The following PLCD1 variants were observed in gnomAD, a reference collection of about 807,000 sequenced individuals.
PLCD1 encodes the protein phospholipase C delta 1.
In PLCD1, 71 loss-of-function variants were observed where a neutral mutation model predicts 87.4. That is an observed-to-expected ratio of 0.81 (90% confidence interval 0.67 to 0.99). PLCD1 has a LOEUF of 0.99. Ranked by LOEUF, PLCD1 falls within the 50% of genes least tolerant of loss-of-function variation. PLCD1 has a pLI of 0.00. For missense variants in PLCD1, 867 were observed against 1,001.5 expected (o/e 0.87, Z 1.81); for synonymous variants, 348 against 399.2 (o/e 0.87, Z 1.53).
intron 1 of PLCD1, among the ~76,000 whole-genome samples, chr3:38,021,894 C>T (rs755509884): frequency 2.6e-5 from 4 of 152,176 alleles, no homozygotes; most frequent in Non-Finnish European, 5.9e-5. Context: ...CCTCCCCCAG[C>T]CAGCCTGTCC....
At chr3:38,026,475 C>T (rs1332302382) in intron 1 of PLCD1, among the ~76,000 whole-genome samples, 3 of 152,170 alleles carry the variant, frequency 2.0e-5, no homozygotes, top group Admixed American at 1.3e-4. Context: ...GCCGAGATGG[C>T]GCAAACTGCA....
chr3:38,007,644 G>A lies in PLCD1; in HGVS notation c.*129C>T. ...CCAGGGAGGCAGCAGCAGACACTAT[G>A]TTAGGGCTGAAGGCAATTTGGGGGC... On this transcript the variant is annotated 3_prime_UTR_variant, in exon 15 of 15. Transcript: ENST00000334661. 1 of 750,206 alleles carries A rather than the reference G, an allele frequency of 1.3e-6. No homozygotes were observed. Among genetic ancestry groups the A allele is most frequent in the South Asian group, 1.5e-5 (1 of 68,072 alleles). 46.5% of individuals were successfully genotyped at this position (750,206 alleles called of 1,614,324 possible).
intron 3 of PLCD1, among the ~76,000 whole-genome samples, chr3:38,015,300 T>C (rs911990088): frequency 5.3e-5 from 8 of 152,210 alleles, no homozygotes; most frequent in Admixed American, 2.6e-4. Flanking sequence ...TGGATGAATA[T>C]TGCAAACATC....
chr3:38,015,951 G>C (rs1054235267), intron 3 of PLCD1, among the ~76,000 whole-genome samples: 20 of 152,178 alleles, frequency 1.3e-4, no homozygotes, highest in African/African-American at 4.8e-4. Context: ...CGGGGACACA[G>C]GGAGTATCAG....
chr3:38,011,220 C>T lies in PLCD1; in HGVS notation c.784G>A (p.Glu262Lys), dbSNP rs780372563. ...LSLIERYEPS[E>K]TAKAQRQMTK... ...GCCCTGGTCAGGCTCTCACCAGTCT[C>T]GCTGGGCTCGTAGCGCTCAATGAGG... The change falls in exon 5 of 15, where the codon GAG (glutamate) becomes AAG (lysine). Residue 262 changes from glutamate to lysine, a missense_variant. Transcript: ENST00000334661. 2.6e-5 allele frequency: 41 copies of T among 1,607,802 alleles called. No homozygotes were observed. The highest frequency in any genetic ancestry group is 1.2e-4 in the South Asian group (11 of 90,958).
Position 38,029,499 on chromosome 3 carries a change from C to G in PLCD1, c.34+7G>C, listed in dbSNP as rs994818002. The G allele has an allele frequency of 1.5e-5, 23 of 1,539,340 alleles. No homozygotes were observed. In the South Asian group the frequency reaches 2.5e-4, roughly 17 times the overall value. On this transcript the variant is annotated splice_region_variant and intron_variant, in intron 1 of 14. Transcript: ENST00000334661. ...GGGTCTCCCGCTCGCGCGGGCCAGG[C>G]ACTCACCGTGCAGGGTCAGGAAGTC...
Position 38,018,811 on chromosome 3 carries a change from G to C in PLCD1, c.199+1377C>G, listed in dbSNP as rs1220183848. Among the ~76,000 whole-genome samples, 1 of 152,124 alleles carries C rather than the reference G, an allele frequency of 6.6e-6. No individual in the cohort carries two copies. Among genetic ancestry groups the C allele is most frequent in the Non-Finnish European group, 1.5e-5 (1 of 68,030 alleles). ...AAGGTCAGGCGGTCACTCCTGTACAGTGTGGCAGCAGGCTGAGCTGGGGCT... is the reference window on the plus strand; with the variant it reads ...AAGGTCAGGCGGTCACTCCTGTACACTGTGGCAGCAGGCTGAGCTGGGGCT... On this transcript the variant is annotated intron_variant, in intron 2 of 14. Coordinates refer to ENST00000334661, the MANE Select transcript of PLCD1 (RefSeq NM_006225.4). The surrounding 1 kb of genome is among the most constrained non-coding windows in gnomAD (Gnocchi z 5.7).
At position 38,008,120 on chromosome 3, in the gene PLCD1, A is replaced by G; in HGVS notation, c.2079T>C (p.Val693=). ...AGCGGATGAGGGCAAGGTCAGGCAC[A>G]ACTACCTCAAACGCAAACTCCGTGT... ...WWDTEFAFEV[V]VPDLALIRFL... is the part of the protein sequence containing the mutation. The change falls in exon 14 of 15, where the codon GTT becomes GTC. Residue 693 remains valine (V), a synonymous_variant. Transcript: ENST00000334661. 1.2e-6 allele frequency: 2 copies of G among 1,614,086 alleles called. No individual in the cohort carries two copies. Among genetic ancestry groups the G allele is most frequent in the East Asian group, 4.5e-5 (2 of 44,876 alleles).
intron 1 of PLCD1, 72 bp downstream of exon 1, chr3:38,029,434 T>C: frequency 3.6e-6 from 5 of 1,385,286 alleles, no homozygotes; most frequent in Non-Finnish European, 4.0e-6. Context: ...GGGCTCCCTG[T>C]CCAGGGCCCG....
intron 1 of PLCD1, among the ~76,000 whole-genome samples, chr3:38,026,838 G>A (rs17787356): frequency 0.024 from 3,685 of 152,362 alleles, 71 homozygotes; most frequent in South Asian, 0.067. Context: ...GCTATCCCAT[G>A]GATGATTCTC....
At position 38,008,299 on chromosome 3, in the gene PLCD1, T is replaced by TGTCA. The variant is rs1699999672; in HGVS notation, c.1967_1970dup (p.Val658AspfsTer35). On this transcript the variant is annotated frameshift_variant, in exon 13 of 15. Transcript: ENST00000334661. LOFTEE classifies it high-confidence loss of function. ...CCCGGCTCACGCCATGGATCTCCACTGTCACTTTGGGGTCCACAATTGAAT... is the reference window on the plus strand; with the variant it reads ...CCCGGCTCACGCCATGGATCTCCACTGTCAGTCACTTTGGGGTCCACAATTGAAT... 6.2e-7 allele frequency: 1 copy of TGTCA among 1,614,106 alleles called. No homozygotes were observed.
At position 38,008,574 on chromosome 3, in the gene PLCD1, T is replaced by C; in HGVS notation, c.1786A>G (p.Asn596Asp). Residue 596 changes from asparagine to aspartate, a missense_variant, in exon 12 of 15, where the codon AAC becomes GAC. Asn to Asp is a conservative substitution (Grantham distance 23, BLOSUM62 1). Coordinates refer to ENST00000334661, the MANE Select transcript of PLCD1 (RefSeq NM_006225.4). ...MDVYQGRFQD[N>D]GACGYVLKPA... ...TTCAGCACGTACCCACAGGCCCCGT[T>C]GTCCTGGAAGCGGCCCTGGTACACG... The C allele has an allele frequency of 6.2e-7, 1 of 1,614,218 alleles. No homozygotes were observed. Among genetic ancestry groups the C allele is most frequent in the Non-Finnish European group, 8.5e-7 (1 of 1,180,016 alleles).
rs759712830 is a variant in PLCD1 at position 38,010,534 on chromosome 3, G to A, written c.819C>T (p.Asp273=). 48 of 1,613,856 alleles carry A rather than the reference G, an allele frequency of 3.0e-5. No homozygotes were observed. The highest frequency in any genetic ancestry group is 1.6e-4 in the East Asian group (7 of 44,880). ...CCGACAGTAAGTACATGAGGAAGCC[G>A]TCCTTGGTCATCTGCCGCTGCGCCT... is the stretch of plus-strand genomic sequence containing the variant. The part of the protein sequence containing the change: ...TAKAQRQMTK[D]GFLMYLLSAD... Residue 273 remains aspartate, a synonymous_variant, in exon 6 of 15, where the codon GAC becomes GAT. Transcript: ENST00000334661.
At position 38,020,341 on chromosome 3, in the gene PLCD1, C is replaced by T. The variant is rs1440787072; in HGVS notation, c.46G>A (p.Asp16Asn). Residue 16 changes from aspartate (D) to asparagine (N), a missense_variant, in exon 2 of 15, where the codon GAT becomes AAT. By Grantham distance (23) the Asp-to-Asn change is conservative. Coordinates refer to ENST00000334661, the MANE Select transcript of PLCD1 (RefSeq NM_006225.4). ...TTCAGCAGCGCCTGTAGATCCTCAT[C>T]ATCCTGTAGGCCTGGGGATCAAAGC... ...DFLTLHGLQD[D>N]EDLQALLKGS... is the part of the protein sequence containing the mutation. 12 of 1,613,926 alleles carry T rather than the reference C, an allele frequency of 7.4e-6. No individual in the cohort carries two copies. The highest frequency in any genetic ancestry group is 1.1e-5 in the South Asian group (1 of 91,096).
chr3:38,028,735 A>G (rs1158525392), intron 1 of PLCD1, among the ~76,000 whole-genome samples: 2 of 152,244 alleles, frequency 1.3e-5, no homozygotes, highest in African/African-American at 4.8e-5. Context: ...TACCCTCCCC[A>G]ACCTCCCGCC....
At chr3:38,026,867 A>G (rs2125552729) in intron 1 of PLCD1, among the ~76,000 whole-genome samples, 1 of 152,376 alleles carries the variant, frequency 6.6e-6, no homozygotes, top group South Asian at 2.1e-4. Context: ...AGTAAGTAGA[A>G]CCAAAGCTAG....
chr3:38,009,219 C>T, intron 10 of PLCD1, 53 bp downstream of exon 10: 1 of 1,613,238 alleles, frequency 6.2e-7, no homozygotes, highest in Non-Finnish European at 8.5e-7. Context: ...AAGCCCTGCC[C>T]TGCCAATTCT....
In PLCD1 at chr3:38,007,659, A is replaced by AAT; in HGVS notation, c.*112_*113dup. The AAT allele has an allele frequency of 1.2e-6, 1 of 817,618 alleles. No homozygotes were observed. The highest frequency in any genetic ancestry group is 2.6e-5 in the East Asian group (1 of 38,308). The allele number at this position is 817,618 out of a possible 1,614,324, so 50.6% of individuals were successfully genotyped here. ...CAGACACTATGTTAGGGCTGAAGGC[A>AAT]ATTTGGGGGCCTAGCTCTGAGCAAG... On this transcript the variant is annotated 3_prime_UTR_variant, in exon 15 of 15. Transcript: ENST00000334661.
rs115366708 is a variant in PLCD1 at position 38,009,046 on chromosome 3, C to A, written c.1719G>T (p.Gln573His). The change falls in exon 11 of 15, where the codon CAG (glutamine) becomes CAT (histidine). Residue 573 changes from glutamine to histidine, a missense_variant. Physicochemically the swap from Gln to His is conservative, Grantham distance 24 (BLOSUM62 0). Transcript: ENST00000334661. ...CCAGCCCCAGCCAGCCCATACCGAT[C>A]TGGCAGCCCCCATTCCACATCTCCA... is the stretch of plus-strand genomic sequence containing the variant. ...SPVEMWNGGC[Q>H]IVALNFQTPG... 7.3e-5 allele frequency: 118 copies of A among 1,611,366 alleles called. 1 individual carries two copies. The African/African-American group carries it at 1.4e-3, about 19-fold the overall frequency.
Sources: allele counts gnomAD v4.1 joint callset (sites outside exome capture counted in the v4.1 genomes callset), GRCh38; gene constraint gnomAD v4.1.1; non-coding constraint Gnocchi (gnomAD v3.1); transcripts MANE v1.5; gene names NCBI Gene and HGNC (gene_info 2026-07-23, HGNC 2026-07-21).